The following SRRD variants were observed in gnomAD, a reference collection of about 807,000 sequenced individuals.
SRRD encodes SRR1 domain containing.
Under a neutral mutation model 30.7 loss-of-function variants are expected in SRRD, and 28 were observed. The observed-to-expected ratio is 0.91, with a 90% CI of 0.68 to 1.25. The LOEUF is 1.25. SRRD is among the 50% of genes most tolerant of loss of function. The pLI is 0.00. For synonymous variants in SRRD, 161 were observed against 159.6 expected, an observed-to-expected ratio of 1.01 and a Z score of -0.07; for missense variants, 415 against 417.3, an observed-to-expected ratio of 0.99 and a Z score of 0.05.
At chr22:26,491,115 C>A in intron 6 of SRRD, 45 bp downstream of exon 6, 8 of 1,577,476 alleles carry the variant, frequency 5.1e-6, no homozygotes, top group Non-Finnish European at 6.9e-6. Flanking sequence ...GGGTGTGAAA[C>A]TGTGAAGAAT....
intron 5 of SRRD, 30 bp downstream of exon 5, chr22:26,490,228 G>T: frequency 6.2e-7 from 1 of 1,612,612 alleles, no homozygotes; most frequent in East Asian, 2.2e-5. Context: ...GATTCTGTCA[G>T]GCCCTGAGGT....
rs1283401937 is a variant in SRRD at position 26,490,164 on chromosome 22, A to G, written c.730A>G (p.Ile244Val). ...AGTAGATGCCCTTTCTAAGATGGTC[A>G]TCATTGGGAACAGTTTCAAAGGACT... ...WSVDALSKMV[I>V]IGNSFKGLEE... The change falls in exon 5 of 7, where the codon ATC becomes GTC. Residue 244 changes from isoleucine (I) to valine (V), a missense_variant. By Grantham distance (29) the Ile-to-Val change is conservative (BLOSUM62 3). Transcript: ENST00000215917. 2 of 1,614,152 alleles carry G rather than the reference A, an allele frequency of 1.2e-6. No individual in the cohort carries two copies. Among genetic ancestry groups the G allele is most frequent in the Non-Finnish European group, 1.7e-6 (2 of 1,180,038 alleles).
Position 26,493,075 on chromosome 22 carries a change from G to C in SRRD, c.*1403G>C, listed in dbSNP as rs1921424937. ...GAGTCTCGCTCTTGTCACCTAGGCT[G>C]GAGTGCAGTGCTTGCAATCTCGGCT... On this transcript the variant is annotated 3_prime_UTR_variant, in exon 7 of 7. Transcript: ENST00000215917. The C allele has an allele frequency of 6.6e-6, 1 of 150,486 alleles. No individual in the cohort carries two copies. The highest frequency in any genetic ancestry group is 2.1e-4 in the South Asian group (1 of 4,780). 9.3% of individuals were successfully genotyped at this position (150,486 alleles called of 1,614,324 possible).
In SRRD at chr22:26,492,776, ACC is replaced by A; in HGVS notation, c.*1105_*1106del. ...AGGGCCCATACTGGCTTTATTTTTA[ACC>A]TACCCACACAGGGCCCCCATCCTGA... is the stretch of plus-strand genomic sequence containing the variant. On this transcript the variant is annotated 3_prime_UTR_variant, in exon 7 of 7. Transcript: ENST00000215917. 5.3e-6 allele frequency: 1 copy of A among 190,366 alleles called. No homozygotes were observed. The highest frequency in any genetic ancestry group is 1.1e-5 in the Non-Finnish European group (1 of 90,070). 11.8% of individuals were successfully genotyped at this position (190,366 alleles called of 1,614,324 possible).
chr22:26,488,284 G>A lies in SRRD; in HGVS notation c.506G>A (p.Cys169Tyr). 1.2e-6 allele frequency: 2 copies of A among 1,613,584 alleles called. No homozygotes were observed. Among genetic ancestry groups the A allele is most frequent in the Non-Finnish European group, 1.7e-6 (2 of 1,179,514 alleles). ...TTTTTGCTGCTTTTGTTGGAAAAGT[G>A]CCAGGTACATTTTTGGATTCATTTT... Reference protein sequence around the residue: ...LTFLLLLLEKCQIPRSHCWVY... With the variant: ...LTFLLLLLEKYQIPRSHCWVY... The change falls in exon 3 of 7, where the codon TGC (cysteine) becomes TAC (tyrosine). Residue 169 changes from cysteine (C) to tyrosine (Y), a missense_variant. Coordinates refer to ENST00000215917, the MANE Select transcript of SRRD (RefSeq NM_001013694.3).
At chr22:26,488,352 G>A in intron 3 of SRRD, 38 bp from the exon 4 acceptor site, 6 of 1,613,822 alleles carry the variant, frequency 3.7e-6, no homozygotes, top group Non-Finnish European at 5.1e-6. Context: ...GCACACAGAT[G>A]TTTGGGTTGA....
In SRRD at chr22:26,490,122, T is replaced by C; in HGVS notation, c.688T>C (p.Leu230=). 6.2e-7 allele frequency: 1 copy of C among 1,614,130 alleles called. No individual in the cohort carries two copies. Among genetic ancestry groups the C allele is most frequent in the Non-Finnish European group, 8.5e-7 (1 of 1,180,010 alleles). The change falls in exon 5 of 7, where the codon TTA becomes CTA. Residue 230 remains leucine, a synonymous_variant. Coordinates refer to ENST00000215917, the MANE Select transcript of SRRD (RefSeq NM_001013694.3). The part of the protein sequence containing the change: ...HCGTALYNNL[L]WSNWSVDALS... ...TGGGACGGCCTTGTACAACAATCTT[T>C]TATGGAGTAACTGGTCAGTAGATGC...
intron 1 of SRRD, 143 bp from the exon 2 acceptor site, chr22:26,485,880 C>T (rs1396454521): frequency 1.1e-6 from 1 of 882,498 alleles, no homozygotes; most frequent in African/African-American, 1.7e-5. Flanking sequence ...CAACATATAT[C>T]CCCCTCCTAT....
rs1378845409 is a variant in SRRD at position 26,490,718 on chromosome 22, G to A, written c.765-307G>A. ...AGCTGGGATTACAGATGCACACCAG[G>A]ACGCCCGGCTGATTTTTTTATTTTT... is the stretch of plus-strand genomic sequence containing the variant. On this transcript the variant is annotated intron_variant, in intron 5 of 6. Transcript: ENST00000215917. 3.2e-5 allele frequency: 10 copies of A among 316,716 alleles called. 1 individual carries two copies. In the Admixed American group the frequency reaches 3.7e-4, roughly 12 times the overall value. 19.6% of individuals were successfully genotyped at this position (316,716 alleles called of 1,614,324 possible).
rs1569145597 is a variant in SRRD at position 26,483,935 on chromosome 22, G to C, written c.45G>C (p.Ala15=). ...AAAALESWQA[A]APRKRRSAAR... is the part of the protein sequence containing the mutation. Reference sequence around the variant, plus strand: ...CGGCGCTGGAATCCTGGCAGGCGGCGGCTCCGCGGAAGAGGCGCTCCGCGG... The same window carrying C: ...CGGCGCTGGAATCCTGGCAGGCGGCCGCTCCGCGGAAGAGGCGCTCCGCGG... Residue 15 remains alanine (A), a synonymous_variant, in exon 1 of 7, where the codon GCG becomes GCC. Transcript: ENST00000215917. 2 of 1,351,868 alleles carry C rather than the reference G, an allele frequency of 1.5e-6. No individual in the cohort carries two copies. Among genetic ancestry groups the C allele is most frequent in the Non-Finnish European group, 1.9e-6 (2 of 1,062,778 alleles). 83.7% of individuals were successfully genotyped at this position (1,351,868 alleles called of 1,614,324 possible).
At chr22:26,490,327 T>G (rs1174393708) in intron 5 of SRRD, 129 bp downstream of exon 5, 1 of 1,111,420 alleles carries the variant, frequency 9.0e-7, no homozygotes, top group Non-Finnish European at 1.3e-6. Context: ...GGGAACTGGA[T>G]GAAGGCTTAA....
intron 2 of SRRD, among the ~76,000 whole-genome samples, chr22:26,486,617 T>G (rs1023179239): frequency 3.9e-5 from 6 of 152,190 alleles, no homozygotes; most frequent in African/African-American, 7.2e-5. Flanking sequence ...GCTCAAGTGA[T>G]CCTCCCACCT....
chr22:26,494,138 C>A lies in SRRD; in HGVS notation c.*2466C>A, dbSNP rs1236005628. Reference sequence around the variant, plus strand: ...CATCCAAAATGGGAATCCTCACTTACCAACGTTGGAGGACACCGCCCGGTT... The same window carrying A: ...CATCCAAAATGGGAATCCTCACTTAACAACGTTGGAGGACACCGCCCGGTT... On this transcript the variant is annotated 3_prime_UTR_variant, in exon 7 of 7. Transcript: ENST00000215917. The A allele has an allele frequency of 8.7e-6, 14 of 1,612,812 alleles. No individual in the cohort carries two copies. Among genetic ancestry groups the A allele is most frequent in the Non-Finnish European group, 1.1e-5 (13 of 1,178,986 alleles).
chr22:26,494,421 A>T lies in SRRD; in HGVS notation c.*2749A>T. 8.3e-7 allele frequency: 1 copy of T among 1,206,432 alleles called. No individual in the cohort carries two copies. Among genetic ancestry groups the T allele is most frequent in the Non-Finnish European group, 1.2e-6 (1 of 832,528 alleles). 74.7% of individuals were successfully genotyped at this position (1,206,432 alleles called of 1,614,324 possible). On this transcript the variant is annotated 3_prime_UTR_variant, in exon 7 of 7. Transcript: ENST00000215917. ...CTACAGGCTAGTGACACTACTTTAC[A>T]GGGATTTATAGTAGCTAAACAGTCT...
intron 5 of SRRD, 110 bp downstream of exon 5, chr22:26,490,308 T>A: frequency 8.0e-7 from 1 of 1,251,422 alleles, no homozygotes; most frequent in Non-Finnish European, 1.1e-6. Flanking sequence ...GGGGAAATGC[T>A]TTTCCACAGG....
intron 2 of SRRD, among the ~76,000 whole-genome samples, chr22:26,487,418 G>A (rs757593834): frequency 6.6e-6 from 1 of 152,146 alleles, no homozygotes; most frequent in African/African-American, 2.4e-5. Flanking sequence ...GGAATGCAGC[G>A]GTGTGATCTC....
Position 26,492,572 on chromosome 22 carries a change from A to G in SRRD, c.*900A>G, listed in dbSNP as rs1921351159. 1 of 584,948 alleles carries G rather than the reference A, an allele frequency of 1.7e-6. No homozygotes were observed. The highest frequency in any genetic ancestry group is 1.9e-5 in the African/African-American group (1 of 53,586). The allele number at this position is 584,948 out of a possible 1,614,324, so 36.2% of individuals were successfully genotyped here. A position where few individuals can be genotyped will look rare whatever the true frequency, so the allele number is the denominator to read the frequency against. On this transcript the variant is annotated 3_prime_UTR_variant, in exon 7 of 7. Coordinates refer to ENST00000215917, the MANE Select transcript of SRRD (RefSeq NM_001013694.3). ...ACTGTTCAGAAGGTTCCTGGCTAGT[A>G]TCTAGTAACCAGATTATTAATATTC...
Position 26,493,997 on chromosome 22 carries a change from T to G in SRRD, c.*2325T>G. On this transcript the variant is annotated 3_prime_UTR_variant, in exon 7 of 7. Transcript: ENST00000215917. Reference sequence around the variant, plus strand: ...TGACCATGTACCCCAGTCAGCAGGGTGAGAGTCTGTTGCTATGTGCAAAAG... The same window carrying G: ...TGACCATGTACCCCAGTCAGCAGGGGGAGAGTCTGTTGCTATGTGCAAAAG... 2.3e-5 allele frequency: 20 copies of G among 872,124 alleles called. No homozygotes were observed. Among genetic ancestry groups the G allele is most frequent in the Non-Finnish European group, 2.8e-5 (16 of 574,026 alleles). 54.0% of individuals were successfully genotyped at this position (872,124 alleles called of 1,614,324 possible). A position where few individuals can be genotyped will look rare whatever the true frequency, so the allele number is the denominator to read the frequency against.
In SRRD at chr22:26,491,819, T is replaced by C. The variant is rs530963587; in HGVS notation, c.*147T>C. ...CCTGTTTTGAGGACGATACCCCACATGAGGACTTGGTATAAAGATTCCTGC... is the reference window on the plus strand; with the variant it reads ...CCTGTTTTGAGGACGATACCCCACACGAGGACTTGGTATAAAGATTCCTGC... On this transcript the variant is annotated 3_prime_UTR_variant, in exon 7 of 7. Coordinates refer to ENST00000215917, the MANE Select transcript of SRRD (RefSeq NM_001013694.3). The C allele has an allele frequency of 1.4e-4, 132 of 918,534 alleles. 1 individual carries two copies. The South Asian group carries it at 2.1e-3, about 14-fold the overall frequency. The allele number at this position is 918,534 out of a possible 1,614,324, so 56.9% of individuals were successfully genotyped here.
Sources: gnomAD v4.1 joint callset for allele counts (sites outside exome capture counted in the v4.1 genomes callset) on GRCh38, gnomAD v4.1.1 for gene constraint, MANE v1.5 for transcripts, NCBI Gene and HGNC (gene_info 2026-07-23, HGNC 2026-07-21) for gene names.